Variants in POLK observed in about 807,000 individuals in gnomAD.
POLK encodes DNA polymerase kappa, also known as polymerase (DNA directed) kappa.
POLK carries 76 observed loss-of-function variants against 94.0 expected under a neutral mutation model. The observed-to-expected ratio is 0.81, with a 90% confidence interval of 0.67 to 0.98. The LOEUF is 0.98. POLK is among the 50% of genes least tolerant of loss of function. The probability of loss-of-function intolerance (pLI) is 0.00; values close to 1 mark genes in which losing one functional copy is unlikely to be tolerated. For synonymous variants in POLK, 349 were observed against 325.4 expected, an observed-to-expected ratio of 1.07 and a Z score of -0.78; for missense variants, 954 against 1,010.1, an observed-to-expected ratio of 0.94 and a Z score of 0.75.
chr5:75,528,307 A>G (rs1340806328), intron 1 of POLK, among the ~76,000 whole-genome samples: 5 of 152,204 alleles, frequency 3.3e-5, no homozygotes, highest in Non-Finnish European at 7.3e-5. Context: ...CAGTATGAAT[A>G]GTGTGATGTC....
At chr5:75,532,230 C>T (rs1310292265) in intron 1 of POLK, among the ~76,000 whole-genome samples, 2 of 152,136 alleles carry the variant, frequency 1.3e-5, no homozygotes. Flanking sequence ...TCAATCCTCT[C>T]CCTCCTCCCA....
intron 3 of POLK, among the ~76,000 whole-genome samples, chr5:75,562,005 C>T (rs2112716618): frequency 6.6e-6 from 1 of 152,106 alleles, no homozygotes; most frequent in South Asian, 2.1e-4. Context: ...TTTTTTGGTT[C>T]TATATGAAAT....
Position 75,559,454 on chromosome 5 carries a change from C to G in POLK, c.255+6863C>G, listed in dbSNP as rs118185921. Reference sequence around the variant, plus strand: ...TATGTTACATTGCATGACAGCTATACAGCAAATCAGTGCATTTTGACCATT... The same window carrying G: ...TATGTTACATTGCATGACAGCTATAGAGCAAATCAGTGCATTTTGACCATT... On this transcript the variant is annotated intron_variant, in intron 3 of 14. Coordinates refer to ENST00000241436, the Ensembl canonical transcript of POLK. Among the ~76,000 whole-genome samples, 314 of 149,530 alleles carry G rather than the reference C, an allele frequency of 2.1e-3. 1 individual carries two copies. In the East Asian group the frequency reaches 0.028, roughly 13 times the overall value.
intron 3 of POLK, among the ~76,000 whole-genome samples, chr5:75,553,853 A>G (rs918107471): frequency 1.3e-5 from 2 of 152,198 alleles, no homozygotes; most frequent in Admixed American, 6.5e-5. Context: ...CCAAAAATGT[A>G]ATATTTTAAA....
upstream of POLK, chr5:75,511,530 A>C: frequency 6.8e-7 from 1 of 1,464,294 alleles, no homozygotes; most frequent in Non-Finnish European, 9.0e-7. Flanking sequence ...CAAATAGGGA[A>C]GGAAAAGGGA....
In POLK at chr5:75,511,779, G is replaced by A. The variant is rs757993663; in HGVS notation, c.-149G>A. The A allele has an allele frequency of 3.5e-5, 54 of 1,551,384 alleles. No homozygotes were observed. In the South Asian group the frequency reaches 4.8e-4, roughly 14 times the overall value. On this transcript the variant is annotated 5_prime_UTR_variant, in exon 1 of 15. Coordinates refer to ENST00000241436, the Ensembl canonical transcript of POLK. ...CCTACCTCCGGCTCTCCCGGGTGAC[G>A]ACGGGTAGAAAAGCAGGAGGAGCGG... is the stretch of plus-strand genomic sequence containing the variant.
intron 1 of POLK, among the ~76,000 whole-genome samples, chr5:75,534,050 G>A (rs187256153): frequency 1.3e-5 from 2 of 152,258 alleles, no homozygotes; most frequent in Non-Finnish European, 2.9e-5. Context: ...TGGATCACTT[G>A]AGGTCAGGAA....
intron 1 of POLK, among the ~76,000 whole-genome samples, chr5:75,513,111 C>G (rs1362826712): frequency 6.6e-6 from 1 of 152,160 alleles, no homozygotes; most frequent in Non-Finnish European, 1.5e-5. Context: ...AATTACGATT[C>G]TGAATGGTTG....
chr5:75,599,970 C>T (rs1773260252), exon 15 of POLK: 1 of 151,954 alleles, frequency 6.6e-6, no homozygotes, highest in Non-Finnish European at 1.5e-5. Flanking sequence ...TGATTTGGGG[C>T]ATTTGAAGAA....
At chr5:75,596,084 C>T in intron 12 of POLK, 138 bp from the exon 13 acceptor site, 1 of 588,532 alleles carries the variant, frequency 1.7e-6, no homozygotes, top group Non-Finnish European at 3.1e-6. Flanking sequence ...ACTTATAATA[C>T]CAGCTTTGAA....
exon 15 of POLK, chr5:75,600,265 T>A (rs1006214632): frequency 6.6e-6 from 1 of 152,080 alleles, no homozygotes; most frequent in African/African-American, 2.4e-5. Flanking sequence ...AAGTAAAAAA[T>A]AAAACTACAA....
chr5:75,573,917 C>T (rs1771734821), intron 5 of POLK, 48 bp downstream of exon 5: 2 of 1,592,188 alleles, frequency 1.3e-6, no homozygotes, highest in African/African-American at 2.7e-5. Context: ...GAGTTCCTGT[C>T]ACCTACAGAA....
At chr5:75,606,739 ACTT>A in the POLK span, among the ~76,000 whole-genome samples, 1 of 151,890 alleles carries the variant, frequency 6.6e-6, no homozygotes, top group East Asian at 1.9e-4. Context: ...TCCTATGTCT[ACTT>A]CTTTCTACAC....
At chr5:75,564,019 G>A (rs1320331559) in intron 3 of POLK, among the ~76,000 whole-genome samples, 1 of 152,142 alleles carries the variant, frequency 6.6e-6, no homozygotes, top group Non-Finnish European at 1.5e-5. Flanking sequence ...CTGTTATTGT[G>A]TGGGAGTCTA....
At chr5:75,575,844 C>T (rs564604451) in intron 5 of POLK, among the ~76,000 whole-genome samples, 8 of 152,032 alleles carry the variant, frequency 5.3e-5, no homozygotes, top group African/African-American at 1.9e-4. Flanking sequence ...AAACAGTTTT[C>T]TCATGATACA....
intron 8 of POLK, among the ~76,000 whole-genome samples, chr5:75,584,518 A>AT (rs1772360662): frequency 6.6e-6 from 1 of 152,044 alleles, no homozygotes; most frequent in Non-Finnish European, 1.5e-5. Context: ...AAAATACAAA[A>AT]TTAGCCGGGT....
chr5:75,525,176 C>T (rs1768775471), intron 1 of POLK, among the ~76,000 whole-genome samples: 1 of 152,138 alleles, frequency 6.6e-6, no homozygotes, highest in African/African-American at 2.4e-5. Flanking sequence ...AAAGAAAAGA[C>T]AAGTCAACAG....
At chr5:75,605,118 T>TACACACACACACACACACACAC, downstream of POLK, among the ~76,000 whole-genome samples, 1 of 146,740 alleles carries the variant, frequency 6.8e-6, no homozygotes, top group Non-Finnish European at 1.5e-5. Context: ...TGTATACACA[T>TACACACACACACACACACACAC]ACACACACAC....
chr5:75,586,594 T>A (rs1772482842), intron 9 of POLK, among the ~76,000 whole-genome samples: 1 of 152,178 alleles, frequency 6.6e-6, no homozygotes, highest in South Asian at 2.1e-4. Context: ...TAGAGTGGTA[T>A]AAATGAATAA....
Sources: allele counts gnomAD v4.1 joint callset (sites outside exome capture counted in the v4.1 genomes callset), GRCh38; gene constraint gnomAD v4.1.1; transcripts MANE v1.5; gene names NCBI Gene and HGNC (gene_info 2026-07-23, HGNC 2026-07-21).